VWA8: variants seen among roughly 807,000 people sequenced by gnomAD.
VWA8 encodes von Willebrand factor A domain containing 8, also known as von Willebrand factor A domain-containing protein 8.
VWA8 carries 221 observed loss-of-function variants against 241.5 expected under a neutral mutation model. That is an observed-to-expected ratio of 0.91 (90% CI 0.82 to 1.02). The LOEUF (loss-of-function observed/expected upper bound fraction) is 1.02, where lower values mean the gene tolerates loss of function less well. VWA8 is among the 50% of genes least tolerant of loss of function. The probability of loss-of-function intolerance (pLI) is 0.00; values close to 1 mark genes in which losing one functional copy is unlikely to be tolerated. For missense variants in VWA8, 2,322 were observed against 2,328.7 expected (o/e 1.00, Z 0.06); for synonymous variants, 852 against 827.1 (o/e 1.03, Z -0.52).
intron 9 of VWA8, among the ~76,000 whole-genome samples, chr13:41,879,608 T>C (rs1289015340): frequency 6.6e-6 from 1 of 152,078 alleles, no homozygotes; most frequent in Non-Finnish European, 1.5e-5. Context: ...TTATTATTAT[T>C]ATTGACATAA....
chr13:41,709,771 C>CT (rs67056755), intron 26 of VWA8, among the ~76,000 whole-genome samples: 4,474 of 143,886 alleles, frequency 0.031, 207 homozygotes, highest in African/African-American at 0.099. Flanking sequence ...GTCTCTCTCT[C>CT]TTTTTTTTTT....
intron 2 of VWA8, among the ~76,000 whole-genome samples, chr13:41,934,809 T>C (rs937281872): frequency 1.3e-5 from 2 of 152,040 alleles, no homozygotes; most frequent in African/African-American, 2.4e-5. Context: ...ATTTATTTGA[T>C]CAGTATTTTG....
intron 19 of VWA8, among the ~76,000 whole-genome samples, chr13:41,779,688 C>A (rs903069164): frequency 3.9e-5 from 6 of 152,058 alleles, no homozygotes; most frequent in African/African-American, 7.2e-5. Flanking sequence ...AAAGTCAGTG[C>A]CAATTCCAGA....
At chr13:41,773,492 G>A (rs1344788584) in intron 20 of VWA8, among the ~76,000 whole-genome samples, 2 of 152,166 alleles carry the variant, frequency 1.3e-5, no homozygotes, top group Non-Finnish European at 2.9e-5. Flanking sequence ...ACAGCACAGA[G>A]AAAGAGAACA....
chr13:41,906,396 A>G (rs1012217363), intron 4 of VWA8, among the ~76,000 whole-genome samples: 1 of 152,158 alleles, frequency 6.6e-6, no homozygotes, highest in Non-Finnish European at 1.5e-5. Context: ...GAAGTTTTCA[A>G]TGTATAAACA....
intron 42 of VWA8, among the ~76,000 whole-genome samples, chr13:41,585,742 T>C (rs2044412818): frequency 6.6e-6 from 1 of 151,584 alleles, no homozygotes; most frequent in Middle Eastern, 3.4e-3. Context: ...CGGGCACCTG[T>C]AATCCCAGCT....
chr13:41,576,978 C>CAGTT (rs2044354669), intron 42 of VWA8, among the ~76,000 whole-genome samples: 1 of 152,256 alleles, frequency 6.6e-6, no homozygotes, highest in African/African-American at 2.4e-5. Context: ...TCATAAACAA[C>CAGTT]AGTTACCCTC....
At chr13:41,646,689 T>A (rs2044834562) in intron 37 of VWA8, among the ~76,000 whole-genome samples, 1 of 152,246 alleles carries the variant, frequency 6.6e-6, no homozygotes. Context: ...AAGCAAGAAA[T>A]ATGCCTGAAA....
intron 39 of VWA8, among the ~76,000 whole-genome samples, chr13:41,611,129 C>T (rs1189935024): frequency 1.3e-5 from 2 of 152,162 alleles, no homozygotes; most frequent in African/African-American, 4.8e-5. Flanking sequence ...GAGCTCTGGC[C>T]CCACCTCACA....
At chr13:41,822,719 C>T (rs73183398) in intron 14 of VWA8, among the ~76,000 whole-genome samples, 3 of 152,040 alleles carry the variant, frequency 2.0e-5, no homozygotes, top group African/African-American at 4.8e-5. Context: ...TCAAAACATA[C>T]AATAATAAAT....
At chr13:41,831,308 T>C (rs772931773) in intron 13 of VWA8, among the ~76,000 whole-genome samples, 9 of 152,048 alleles carry the variant, frequency 5.9e-5, no homozygotes, top group Admixed American at 6.5e-5. Context: ...GATAGGAGCA[T>C]GGCCGGTGGA....
intron 39 of VWA8, among the ~76,000 whole-genome samples, chr13:41,608,313 T>C (rs2044565696): frequency 6.6e-6 from 1 of 152,084 alleles, no homozygotes. Context: ...AGATGATGAC[T>C]GAAGCAAGGG....
intron 12 of VWA8, among the ~76,000 whole-genome samples, chr13:41,863,819 G>C (rs934894048): frequency 6.6e-6 from 1 of 152,080 alleles, no homozygotes; most frequent in African/African-American, 2.4e-5. Flanking sequence ...CTACTTGAGA[G>C]GGGGCTGTGG....
At chr13:41,854,697 G>C (rs1219425733) in intron 12 of VWA8, among the ~76,000 whole-genome samples, 2 of 152,004 alleles carry the variant, frequency 1.3e-5, no homozygotes, top group African/African-American at 4.8e-5. Context: ...GTGCCTCTTG[G>C]AGCTAATGAA....
At chr13:41,654,376 G>A (rs1034459853) in intron 37 of VWA8, among the ~76,000 whole-genome samples, 2 of 152,284 alleles carry the variant, frequency 1.3e-5, no homozygotes, top group Middle Eastern at 3.4e-3. Context: ...TTGACATCAT[G>A]TGTCACCTAG....
At chr13:41,915,801 C>G (rs1406092611) in intron 2 of VWA8, among the ~76,000 whole-genome samples, 1 of 152,182 alleles carries the variant, frequency 6.6e-6, no homozygotes, top group Non-Finnish European at 1.5e-5. Context: ...ACTTCTGAAT[C>G]CCATGGCTGG....
intron 2 of VWA8, among the ~76,000 whole-genome samples, chr13:41,938,986 G>GA (rs886599277): frequency 3.9e-5 from 6 of 152,104 alleles, no homozygotes; most frequent in Non-Finnish European, 7.4e-5. Context: ...CAAACTAAAG[G>GA]AAAAAATTCT....
At chr13:41,845,426 T>C (rs1008150714) in intron 12 of VWA8, among the ~76,000 whole-genome samples, 1 of 152,072 alleles carries the variant, frequency 6.6e-6, no homozygotes, top group Non-Finnish European at 1.5e-5. Context: ...TCAAAGAACT[T>C]AGAACTATCT....
chr13:41,704,226 C>T (rs74830552), intron 26 of VWA8, among the ~76,000 whole-genome samples: 5,920 of 152,240 alleles, frequency 0.039, 173 homozygotes, highest in Non-Finnish European at 0.061. Context: ...TAAATGTCAG[C>T]TCTGCACACA....
Sources: gnomAD v4.1 joint callset for allele counts (sites outside exome capture counted in the v4.1 genomes callset) on GRCh38, gnomAD v4.1.1 for gene constraint, MANE v1.5 for transcripts, NCBI Gene and HGNC (gene_info 2026-07-23, HGNC 2026-07-21) for gene names.